HECW2: variants seen among roughly 807,000 people sequenced by gnomAD.
HECW2 encodes HECT, C2 and WW domain containing E3 ubiquitin protein ligase 2, also known as E3 ubiquitin-protein ligase HECW2.
In HECW2, 61 loss-of-function variants were observed where a neutral mutation model predicts 175.2. That is an observed-to-expected ratio of 0.35 (90% CI 0.28 to 0.43). HECW2 has a LOEUF of 0.43. Ranked by LOEUF, HECW2 falls within the 20% of genes least tolerant of loss-of-function variation. HECW2 has a pLI of 1.00. For missense variants in HECW2, 1,524 were observed against 2,000.5 expected, an observed-to-expected ratio of 0.76 and a Z score of 4.54; for synonymous variants, 671 against 731.0, an observed-to-expected ratio of 0.92 and a Z score of 1.32.
chr2:196,474,337 A>C (rs1309671607), intron 1 of HECW2, among the ~76,000 whole-genome samples: 1 of 152,260 alleles, frequency 6.6e-6, no homozygotes, highest in African/African-American at 2.4e-5. Context: ...AAGAAAGTGC[A>C]CATCAGCCAG....
chr2:196,283,090 C>G (rs1015353576), intron 14 of HECW2, among the ~76,000 whole-genome samples: 3 of 151,520 alleles, frequency 2.0e-5, no homozygotes, highest in African/African-American at 7.3e-5. Flanking sequence ...GAAACCTCGT[C>G]TCTACTAAAA....
At chr2:196,519,707 A>C (rs1445591123) in intron 1 of HECW2, among the ~76,000 whole-genome samples, 1 of 152,222 alleles carries the variant, frequency 6.6e-6, no homozygotes, top group East Asian at 1.9e-4. Flanking sequence ...CAGGGGTCAC[A>C]GGAGTAATTA....
intron 10 of HECW2, among the ~76,000 whole-genome samples, chr2:196,314,510 G>A (rs1418381508): frequency 2.6e-5 from 4 of 152,160 alleles, no homozygotes; most frequent in African/African-American, 4.8e-5. Context: ...TTGAGACTCT[G>A]TGTCAACTTT....
At chr2:196,564,954 A>ATT (rs11441092) in intron 1 of HECW2, among the ~76,000 whole-genome samples, 14,668 of 145,142 alleles carry the variant, frequency 0.1, 1,054 homozygotes, top group African/African-American at 0.2. Flanking sequence ...CTATGCTTTG[A>ATT]TTTTTTTTTT....
intron 2 of HECW2, among the ~76,000 whole-genome samples, chr2:196,404,819 C>CTTTTTTTTTTTTTTTTTTTTT (rs71012909): frequency 1.2e-5 from 1 of 80,374 alleles, no homozygotes; most frequent in African/African-American, 5.4e-5. Context: ...TTTTTCTTCT[C>CTTTTTTTTTTTTTTTTTTTTT]TTTTTTTTTT....
chr2:196,568,810 C>T (rs1454240996), intron 1 of HECW2, among the ~76,000 whole-genome samples: 2 of 152,132 alleles, frequency 1.3e-5, no homozygotes, highest in Admixed American at 1.3e-4. Context: ...TATAGATACT[C>T]CAGGGTCCCC....
At chr2:196,401,100 G>A (rs1694805049) in intron 2 of HECW2, among the ~76,000 whole-genome samples, 1 of 152,182 alleles carries the variant, frequency 6.6e-6, no homozygotes, top group African/African-American at 2.4e-5. Context: ...CTTTGCCTCA[G>A]CAGTTTCATG....
intron 5 of HECW2, among the ~76,000 whole-genome samples, chr2:196,328,666 G>A (rs1692245048): frequency 6.6e-6 from 1 of 152,112 alleles, no homozygotes; most frequent in African/African-American, 2.4e-5. Context: ...AATTTTGGAA[G>A]TACTACAACT....
chr2:196,342,049 T>C (rs1193109593), intron 3 of HECW2, among the ~76,000 whole-genome samples: 4 of 152,126 alleles, frequency 2.6e-5, no homozygotes, highest in Non-Finnish European at 5.9e-5. Context: ...ATACTAATCT[T>C]AAGGCTCACT....
chr2:196,477,148 G>C (rs1292684051), intron 1 of HECW2, among the ~76,000 whole-genome samples: 1 of 104,376 alleles, frequency 9.6e-6, no homozygotes, highest in Non-Finnish European at 2.1e-5. Flanking sequence ...AGGGAAAAGC[G>C]AAAAAAAAAA....
At chr2:196,336,342 A>T (rs1311681778) in intron 3 of HECW2, among the ~76,000 whole-genome samples, 1 of 152,210 alleles carries the variant, frequency 6.6e-6, no homozygotes, top group Non-Finnish European at 1.5e-5. Flanking sequence ...AACAAAGCTA[A>T]GTAGTGTGCA....
Position 196,593,510 on chromosome 2 carries a change from C to G in HECW2, c.-38G>C, listed in dbSNP as rs1478719455. On this transcript the variant is annotated splice_region_variant and 5_prime_UTR_variant, in exon 1 of 29. Coordinates refer to ENST00000644978, the MANE Select transcript of HECW2 (RefSeq NM_001348768.2). ...AGCGAAGAGTCCGGCCTCCTCACCT[C>G]CAGCCGCGCCGGCGCCCTTCCCGCT... The G allele has an allele frequency of 6.6e-6, 1 of 152,290 alleles. No homozygotes were observed. Among genetic ancestry groups the G allele is most frequent in the Non-Finnish European group, 1.5e-5 (1 of 68,144 alleles). The allele number at this position is 152,290 out of a possible 1,614,324, so 9.4% of individuals were successfully genotyped here.
chr2:196,582,069 AAATAAT>A (rs572551572), intron 1 of HECW2, among the ~76,000 whole-genome samples: 17 of 150,338 alleles, frequency 1.1e-4, no homozygotes, highest in African/African-American at 3.7e-4. Context: ...CCATCTCGAA[AAATAAT>A]AATAATAATA....
chr2:196,265,011 A>AT (rs150376107), intron 17 of HECW2, among the ~76,000 whole-genome samples: 5,572 of 152,218 alleles, frequency 0.037, 334 homozygotes, highest in African/African-American at 0.13. Flanking sequence ...TTGCCATGAT[A>AT]TTTTGGCCCT....
intron 1 of HECW2, among the ~76,000 whole-genome samples, chr2:196,459,232 T>G (rs1192690619): frequency 6.6e-6 from 1 of 152,212 alleles, no homozygotes; most frequent in Non-Finnish European, 1.5e-5. Flanking sequence ...AACACTGAGC[T>G]GAGTCTTAAA....
intron 1 of HECW2, among the ~76,000 whole-genome samples, chr2:196,562,246 C>T (rs1690025645): frequency 6.6e-6 from 1 of 152,166 alleles, no homozygotes; most frequent in South Asian, 2.1e-4. Flanking sequence ...AACCCTCCCA[C>T]CCTCCAACCA....
chr2:196,370,369 C>G (rs1693873021), intron 2 of HECW2, among the ~76,000 whole-genome samples: 1 of 152,172 alleles, frequency 6.6e-6, no homozygotes, highest in South Asian at 2.1e-4. Context: ...GTGTCGTATC[C>G]TACTGTGGCT....
chr2:196,433,522 C>A, intron 1 of HECW2, 64 bp from the exon 2 acceptor site: 1 of 1,245,118 alleles, frequency 8.0e-7, no homozygotes, highest in Non-Finnish European at 1.1e-6. Flanking sequence ...TTTAAGCTTT[C>A]CAGACATAAA....
intron 1 of HECW2, among the ~76,000 whole-genome samples, chr2:196,444,874 T>G (rs1378152839): frequency 6.6e-6 from 1 of 152,178 alleles, no homozygotes; most frequent in Non-Finnish European, 1.5e-5. Flanking sequence ...TGGATTTTTT[T>G]TCCCTGGATT....
Sources: allele counts gnomAD v4.1 joint callset (sites outside exome capture counted in the v4.1 genomes callset), GRCh38; gene constraint gnomAD v4.1.1; transcripts MANE v1.5; gene names NCBI Gene and HGNC (gene_info 2026-07-23, HGNC 2026-07-21).